The following GLIS3 variants were observed in gnomAD, a reference collection of about 807,000 sequenced individuals.
The protein encoded by GLIS3 is zinc finger protein GLIS3.
GLIS3 carries 53 observed loss-of-function variants against 78.6 expected under a neutral mutation model. That is an observed-to-expected ratio of 0.67 (90% CI 0.54 to 0.85). The LOEUF (loss-of-function observed/expected upper bound fraction) is 0.85. GLIS3 is among the 40% of genes least tolerant of loss of function. The pLI is 0.00. For synonymous variants in GLIS3, 684 were observed against 509.9 expected, an observed-to-expected ratio of 1.34 and a Z score of -4.60; for missense variants, 1,703 against 1,231.1, an observed-to-expected ratio of 1.38 and a Z score of -5.74.
At chr9:4,367,199 G>A in the GLIS3 span, among the ~76,000 whole-genome samples, 1 of 152,268 alleles carries the variant, frequency 6.6e-6, no homozygotes, top group East Asian at 1.9e-4. Flanking sequence ...GCCGCCGACG[G>A]CATATACCCT....
At chr9:3,848,677 T>C (rs1256756910) in intron 9 of GLIS3, among the ~76,000 whole-genome samples, 1 of 152,232 alleles carries the variant, frequency 6.6e-6, no homozygotes, top group Non-Finnish European at 1.5e-5. Flanking sequence ...AAACTTGTAC[T>C]TGCCACCTCG....
At chr9:3,905,611 C>G (rs895907179) in intron 6 of GLIS3, among the ~76,000 whole-genome samples, 17 of 152,130 alleles carry the variant, frequency 1.1e-4, no homozygotes, top group African/African-American at 4.1e-4. Flanking sequence ...CCATTTGCAT[C>G]CTAAGCACAC....
At chr9:4,135,610 T>C (rs1442855877) in intron 2 of GLIS3, among the ~76,000 whole-genome samples, 6 of 152,186 alleles carry the variant, frequency 3.9e-5, no homozygotes, top group African/African-American at 4.8e-5. Flanking sequence ...ACATATTCAT[T>C]CTTATAATGA....
At chr9:4,416,252 T>TTTTAAAAAAAAA in the GLIS3 span, among the ~76,000 whole-genome samples, 4 of 75,804 alleles carry the variant, frequency 5.3e-5, 2 homozygotes, top group African/African-American at 2.1e-4. Context: ...ACACTGTTTT[T>TTTTAAAAAAAAA]AAAAAAAAAA....
chr9:4,439,135 G>A, the GLIS3 span, among the ~76,000 whole-genome samples: 1 of 152,036 alleles, frequency 6.6e-6, no homozygotes, highest in African/African-American at 2.4e-5. Context: ...CATGCTGAGG[G>A]CATTCTTCAG....
chr9:4,054,790 T>G (rs889526947), intron 4 of GLIS3, among the ~76,000 whole-genome samples: 1 of 152,174 alleles, frequency 6.6e-6, no homozygotes, highest in Non-Finnish European at 1.5e-5. Flanking sequence ...TGTGTATGTG[T>G]GTGTTCTTGA....
intron 2 of GLIS3, among the ~76,000 whole-genome samples, chr9:4,334,917 TTTTTTTTTTG>T (rs1292134817): frequency 2.8e-4 from 41 of 148,480 alleles, no homozygotes; most frequent in Non-Finnish European, 5.8e-4. Context: ...TTTTTTTTTT[TTTTTTTTTTG>T]AAACGGAGTC....
chr9:3,874,282 A>G (rs868186009), intron 8 of GLIS3, among the ~76,000 whole-genome samples: 7 of 152,204 alleles, frequency 4.6e-5, no homozygotes, highest in African/African-American at 1.2e-4. Flanking sequence ...ATAAAAATCC[A>G]AAAGGACTGG....
At chr9:4,197,720 G>A (rs1818996450) in intron 2 of GLIS3, among the ~76,000 whole-genome samples, 1 of 152,180 alleles carries the variant, frequency 6.6e-6, no homozygotes, top group South Asian at 2.1e-4. Context: ...GTCTAAGTCA[G>A]TAGAGAGTTT....
the GLIS3 span, among the ~76,000 whole-genome samples, chr9:4,461,369 A>G: frequency 2.4e-5 from 3 of 127,594 alleles, no homozygotes; most frequent in Non-Finnish European, 5.5e-5. Context: ...CACTTAAAGA[A>G]CCAATTCTTC....
the GLIS3 span, among the ~76,000 whole-genome samples, chr9:4,464,159 C>G: frequency 3.9e-5 from 6 of 152,034 alleles, no homozygotes; most frequent in Admixed American, 3.9e-4. Flanking sequence ...TTAAGGAGAA[C>G]AGCTCAGCTT....
At chr9:4,283,630 C>G (rs1469789550) in intron 2 of GLIS3, among the ~76,000 whole-genome samples, 1 of 152,214 alleles carries the variant, frequency 6.6e-6, no homozygotes, top group Non-Finnish European at 1.5e-5. Context: ...AGGGAAAGGA[C>G]TATGCTTTAT....
chr9:3,886,112 A>C (rs1822054894), intron 7 of GLIS3, among the ~76,000 whole-genome samples: 1 of 152,210 alleles, frequency 6.6e-6, no homozygotes, highest in South Asian at 2.1e-4. Flanking sequence ...TAATAGAACT[A>C]GGGAAAGATA....
intron 9 of GLIS3, among the ~76,000 whole-genome samples, chr9:3,847,553 T>G (rs1466366932): frequency 2.6e-5 from 4 of 152,264 alleles, no homozygotes; most frequent in African/African-American, 4.8e-5. Context: ...TTAATCTGTG[T>G]GGGTGCACAT....
At chr9:4,027,232 T>G (rs1036932505) in intron 4 of GLIS3, among the ~76,000 whole-genome samples, 1 of 152,238 alleles carries the variant, frequency 6.6e-6, no homozygotes, top group African/African-American at 2.4e-5. Flanking sequence ...GCTTAGCCAT[T>G]TCAGCGTCAC....
the GLIS3 span, among the ~76,000 whole-genome samples, chr9:4,423,720 G>A: frequency 6.6e-6 from 1 of 152,130 alleles, no homozygotes. Flanking sequence ...GGGGTACATG[G>A]AATCATTTTT....
chr9:4,467,404 T>G, the GLIS3 span, among the ~76,000 whole-genome samples: 1 of 152,116 alleles, frequency 6.6e-6, no homozygotes, highest in Non-Finnish European at 1.5e-5. Context: ...TGATACCTCA[T>G]ATGGCCACAG....
chr9:4,401,047 G>A, the GLIS3 span, among the ~76,000 whole-genome samples: 4 of 152,124 alleles, frequency 2.6e-5, no homozygotes, highest in Admixed American at 6.5e-5. Context: ...AAAGTAAAGA[G>A]GACTTTGTCT....
the GLIS3 span, among the ~76,000 whole-genome samples, chr9:4,482,688 T>A: frequency 6.6e-6 from 1 of 152,228 alleles, no homozygotes; most frequent in Non-Finnish European, 1.5e-5. Context: ...ATTTGTATCC[T>A]AATTAATATA....
Sources: allele counts gnomAD v4.1 joint callset (sites outside exome capture counted in the v4.1 genomes callset), GRCh38; gene constraint gnomAD v4.1.1; transcripts MANE v1.5; gene names NCBI Gene and HGNC (gene_info 2026-07-23, HGNC 2026-07-21).